Variants in CYGB observed in about 807,000 individuals in gnomAD.
CYGB encodes cytoglobin.
CYGB carries 13 observed loss-of-function variants against 20.7 expected under a neutral mutation model. The observed-to-expected ratio is 0.63, with a 90% CI of 0.41 to 1.00. CYGB has a LOEUF of 1.00. Among genes scored for constraint, CYGB ranks in the 50% least tolerant of loss-of-function variants. The pLI is 0.00. For synonymous variants in CYGB, 93 were observed against 107.4 expected, an observed-to-expected ratio of 0.87 and a Z score of 0.83; for missense variants, 218 against 257.2, an observed-to-expected ratio of 0.85 and a Z score of 1.04.
Position 76,530,836 on chromosome 17 carries a change from C to T in CYGB, c.539+143G>A. On this transcript the variant is annotated intron_variant, in intron 3 of 3. Coordinates refer to ENST00000293230, the MANE Select transcript of CYGB (RefSeq NM_134268.5). This position sits in a 1 kb window ranked among gnomAD's most constrained non-coding sequence, Gnocchi z 6.1. The stretch of plus-strand genomic sequence containing the variant: ...GCCTTTCCTATTATGCCTGTTCTTA[C>T]ATGTCAGACCCCAGGGTTGGCCTGC... The T allele has an allele frequency of 2.3e-6, 2 of 858,636 alleles. No individual in the cohort carries two copies. The highest frequency in any genetic ancestry group is 2.1e-5 in the South Asian group (1 of 48,660). The allele number at this position is 858,636 out of a possible 1,614,324, so 53.2% of individuals were successfully genotyped here.
At chr17:76,538,714 T>G (rs2074952049), upstream of CYGB, among the ~76,000 whole-genome samples, 1 of 152,120 alleles carries the variant, frequency 6.6e-6, no homozygotes, top group African/African-American at 2.4e-5. Flanking sequence ...TCCAGGGCAG[T>G]GTGAGATTGG....
At chr17:76,540,209 TC>T (rs762780716), upstream of CYGB, 1 of 1,345,884 alleles carries the variant, frequency 7.4e-7, no homozygotes, top group Non-Finnish European at 9.8e-7. The surrounding 1 kb of genome is among the most constrained non-coding windows in gnomAD (Gnocchi z 5.0). Flanking sequence ...GCCAACCGAG[TC>T]CAACCGTGAG....
upstream of CYGB, chr17:76,540,265 ATGGGGCTGGGC>A: frequency 2.4e-6 from 1 of 424,664 alleles, no homozygotes; most frequent in Non-Finnish European, 4.2e-6. The surrounding 1 kb of genome is among the most constrained non-coding windows in gnomAD (Gnocchi z 5.0). Context: ...GGGGGGGGGC[ATGGGGCTGGGC>A]TGCCACCAAG....
At chr17:76,537,058 T>C (rs2074923318) in intron 1 of CYGB, among the ~76,000 whole-genome samples, 1 of 152,188 alleles carries the variant, frequency 6.6e-6, no homozygotes, top group Non-Finnish European at 1.5e-5. Context: ...CTATACTACC[T>C]TTGAAAGGCC....
rs1429955253 is a variant in CYGB, at chr17:76,531,755, C to T, written c.144-64G>A. ...CTGCCTCGGGCCCACCCTGAAGCTT[C>T]CAGGATAGTGGGGGCTGAAGAAGTG... On this transcript the variant is annotated intron_variant, in intron 1 of 3. Transcript: ENST00000293230. This position sits in a 1 kb window ranked among gnomAD's most constrained non-coding sequence, Gnocchi z 7.4. 1.4e-6 allele frequency: 2 copies of T among 1,397,682 alleles called. No individual in the cohort carries two copies. Among genetic ancestry groups the T allele is most frequent in the Non-Finnish European group, 2.0e-6 (2 of 1,017,384 alleles). 86.6% of individuals were successfully genotyped at this position (1,397,682 alleles called of 1,614,324 possible).
At chr17:76,534,770 A>AGGTGTCTCCTGCCTCAACACCCACCACCG (rs2074896941) in intron 1 of CYGB, among the ~76,000 whole-genome samples, 1 of 152,174 alleles carries the variant, frequency 6.6e-6, no homozygotes, top group Admixed American at 6.5e-5. Context: ...CCTGGTAACC[A>AGGTGTCTCCTGCCTCAACACCCACCACCG]GGTGTCTCCT....
chr17:76,540,356 A>G (rs2074976004), upstream of CYGB: 3 of 1,277,628 alleles, frequency 2.3e-6, no homozygotes, highest in Admixed American at 5.7e-5. The surrounding 1 kb of genome is among the most constrained non-coding windows in gnomAD (Gnocchi z 5.0). Flanking sequence ...CCCTTGAGAG[A>G]GCACAGTCTC....
upstream of CYGB, among the ~76,000 whole-genome samples, chr17:76,538,825 G>T (rs897779952): frequency 1.3e-5 from 2 of 152,258 alleles, no homozygotes; most frequent in African/African-American, 2.4e-5. Flanking sequence ...GTTGGGAAGA[G>T]ATGTCACTCA....
upstream of CYGB, chr17:76,540,697 C>G (rs532125244): frequency 2.0e-5 from 19 of 935,406 alleles, no homozygotes; most frequent in Non-Finnish European, 2.9e-5. This position sits in a 1 kb window ranked among gnomAD's most constrained non-coding sequence, Gnocchi z 5.0. Context: ...GGCCCTTGCC[C>G]TAAGCACCCT....
intron 1 of CYGB, chr17:76,545,444 G>A (rs2075045261): frequency 2.2e-6 from 1 of 451,292 alleles, no homozygotes; most frequent in Non-Finnish European, 4.5e-6. Flanking sequence ...ATGGGAGCAG[G>A]AGTGCTCAGG....
At chr17:76,543,667 T>C (rs1598214643) in intron 1 of CYGB, 2 of 436,120 alleles carry the variant, frequency 4.6e-6, no homozygotes, top group Non-Finnish European at 9.5e-6. Flanking sequence ...TTTGCAGGGG[T>C]TGGGGGTGGT....
rs1292406407 is a variant in CYGB, at chr17:76,531,062, G to C, written c.456C>G (p.Ala152=). The change falls in exon 3 of 4, where the codon GCC becomes GCG. Residue 152 remains alanine, a synonymous_variant. Coordinates refer to ENST00000293230, the MANE Select transcript of CYGB (RefSeq NM_134268.5). The surrounding 1 kb of genome is among the most constrained non-coding windows in gnomAD (Gnocchi z 7.4). The part of the protein sequence containing the change: ...DFPPETQRAW[A]KLRGLIYSHV... The stretch of plus-strand genomic sequence containing the variant: ...GGCTGTAGATGAGGCCACGCAGCTT[G>C]GCCCAGGCTCTCTGCGTCTCAGGTG... 4.3e-6 allele frequency: 7 copies of C among 1,613,580 alleles called. No homozygotes were observed. The highest frequency in any genetic ancestry group is 1.7e-5 in the Admixed American group (1 of 59,994).
chr17:76,529,530 C>T, intron 3 of CYGB: 1 of 985,436 alleles, frequency 1.0e-6, no homozygotes, highest in Non-Finnish European at 1.2e-6. Flanking sequence ...CCAGCCAGCT[C>T]TCTTTCCAGT....
chr17:76,544,707 T>C (rs1175781639), intron 1 of CYGB: 3 of 456,776 alleles, frequency 6.6e-6, no homozygotes, highest in South Asian at 3.1e-5. Flanking sequence ...GAGGGCACTG[T>C]TCCCGGGACC....
At position 76,543,419 on chromosome 17, in the gene CYGB, G is replaced by C. The variant is rs543196446; in HGVS notation, c.-53+7443C>G. 215 of 337,738 alleles carry C rather than the reference G, an allele frequency of 6.4e-4. 6 individuals are homozygous for C. Among genetic ancestry groups the C allele is most frequent in the South Asian group, 3.1e-3 (129 of 42,194 alleles). 20.9% of individuals were successfully genotyped at this position (337,738 alleles called of 1,614,324 possible). On this transcript the variant is annotated intron_variant, in intron 1 of 3. Coordinates refer to the CYGB transcript ENST00000589145. Reference sequence around the variant, plus strand: ...GAGACCCCAGAAGCAAGGGACGGCTGATAGCTCACATTTACTAAGCAAGGG... The same window carrying C: ...GAGACCCCAGAAGCAAGGGACGGCTCATAGCTCACATTTACTAAGCAAGGG...
chr17:76,536,077 C>T (rs949044977), intron 1 of CYGB, among the ~76,000 whole-genome samples: 4 of 152,270 alleles, frequency 2.6e-5, no homozygotes, highest in Admixed American at 6.5e-5. Context: ...TTGGTGGTTC[C>T]GAGCGTCTGA....
Position 76,537,461 on chromosome 17 carries a change from G to A in CYGB, c.82C>T (p.Gln28Ter). Residue 28 changes from glutamine (Q) to a stop codon, truncating the protein, a stop_gained, in exon 1 of 4, where the codon CAG (glutamine) becomes TAG (stop). Transcript: ENST00000293230. LOFTEE classifies it high-confidence loss of function. ...ELSEAERKAVQAMWARLYANC... is the reference protein window; with the variant it reads ...ELSEAERKAV ...GCATAGAGCCGGGCCCACATAGCCT[G>A]CACCGCCTTCCTCTCCGCCTCGGAC... The A allele has an allele frequency of 6.3e-7, 1 of 1,597,508 alleles. No homozygotes were observed. Among genetic ancestry groups the A allele is most frequent in the East Asian group, 2.3e-5 (1 of 42,698 alleles).
intron 1 of CYGB, among the ~76,000 whole-genome samples, chr17:76,548,061 CACAG>C (rs1222538851): frequency 9.9e-5 from 15 of 152,072 alleles, no homozygotes; most frequent in Admixed American, 3.3e-4. Flanking sequence ...CACACATACA[CACAG>C]ACATACATGT....
chr17:76,550,324 C>T (rs111549680), intron 1 of CYGB: 16,807 of 149,116 alleles, frequency 0.11, 2,699 homozygotes, highest in African/African-American at 0.36. Context: ...TGCAATGGTG[C>T]GATCTCGGCT....
Sources: gnomAD v4.1 joint callset for allele counts (sites outside exome capture counted in the v4.1 genomes callset) on GRCh38, gnomAD v4.1.1 for gene constraint, Gnocchi (gnomAD v3.1) non-coding constraint, MANE v1.5 for transcripts, NCBI Gene and HGNC (gene_info 2026-07-23, HGNC 2026-07-21) for gene names.